Variants in BTBD9 observed in about 807,000 individuals in gnomAD.
BTBD9 encodes the protein BTB domain containing 9.
In BTBD9, 49 loss-of-function variants were observed where a neutral mutation model predicts 64.3. The observed-to-expected ratio is 0.76, with a 90% CI of 0.61 to 0.97. BTBD9 has a LOEUF of 0.97. Ranked by LOEUF, BTBD9 falls within the 50% of genes least tolerant of loss-of-function variation. The pLI is 0.00. For missense variants in BTBD9, 598 were observed against 762.1 expected, an observed-to-expected ratio of 0.78 and a Z score of 2.53; for synonymous variants, 260 against 274.7, an observed-to-expected ratio of 0.95 and a Z score of 0.53.
intron 6 of BTBD9, among the ~76,000 whole-genome samples, chr6:38,462,211 A>C (rs991045571): frequency 2.0e-5 from 3 of 152,140 alleles, no homozygotes; most frequent in African/African-American, 7.2e-5. Flanking sequence ...TTTTGATGCT[A>C]TATCTTAAAT....
At chr6:38,277,598 C>T (rs1181839369) in intron 8 of BTBD9, among the ~76,000 whole-genome samples, 9 of 151,898 alleles carry the variant, frequency 5.9e-5, no homozygotes, top group Admixed American at 5.2e-4. Flanking sequence ...CCTTCCAAAG[C>T]GCTGGGATTA....
intron 8 of BTBD9, among the ~76,000 whole-genome samples, chr6:38,272,583 T>G (rs1165421846): frequency 6.6e-6 from 1 of 152,120 alleles, no homozygotes; most frequent in East Asian, 1.9e-4. Context: ...TCTCCATGAA[T>G]TTTCTGCTTG....
intron 6 of BTBD9, among the ~76,000 whole-genome samples, chr6:38,386,355 G>T (rs1766168978): frequency 6.6e-6 from 1 of 151,886 alleles, no homozygotes; most frequent in Non-Finnish European, 1.5e-5. Context: ...AATTTAAACG[G>T]AATAAATATA....
chr6:38,362,087 T>C (rs748352167), intron 6 of BTBD9, among the ~76,000 whole-genome samples: 18 of 152,202 alleles, frequency 1.2e-4, no homozygotes, highest in Non-Finnish European at 2.4e-4. Flanking sequence ...TTCAGGTGTC[T>C]TGGCTTACTC....
At chr6:38,601,562 T>C (rs1291395182) in intron 1 of BTBD9, among the ~76,000 whole-genome samples, 8 of 152,144 alleles carry the variant, frequency 5.3e-5, no homozygotes, top group Non-Finnish European at 1.0e-4. Context: ...GGCATGAGCC[T>C]GTAATCCCAG....
intron 7 of BTBD9, among the ~76,000 whole-genome samples, chr6:38,323,579 T>A (rs1162599694): frequency 6.6e-6 from 1 of 152,198 alleles, no homozygotes; most frequent in African/African-American, 2.4e-5. Flanking sequence ...AACAAATAAA[T>A]GACAATAGAT....
chr6:38,348,206 G>A (rs1255201717), intron 6 of BTBD9, among the ~76,000 whole-genome samples: 4 of 152,184 alleles, frequency 2.6e-5, no homozygotes, highest in Admixed American at 2.0e-4. Context: ...AGGAATGGGA[G>A]AGTCCTCTCT....
intron 8 of BTBD9, among the ~76,000 whole-genome samples, chr6:38,269,008 G>C (rs1765113071): frequency 6.6e-6 from 1 of 152,160 alleles, no homozygotes; most frequent in African/African-American, 2.4e-5. Flanking sequence ...GAAATAGTTA[G>C]TGAAGGCTCT....
At chr6:38,547,599 A>C (rs1008291098) in intron 6 of BTBD9, among the ~76,000 whole-genome samples, 3 of 152,150 alleles carry the variant, frequency 2.0e-5, no homozygotes, top group African/African-American at 7.2e-5. Flanking sequence ...CTTTGAACCC[A>C]TCAAGTTCCT....
At chr6:38,225,909 CAT>C (rs1276233379) in intron 9 of BTBD9, among the ~76,000 whole-genome samples, 1 of 152,222 alleles carries the variant, frequency 6.6e-6, no homozygotes. Flanking sequence ...ATGACACACA[CAT>C]AGAGAAGACT....
chr6:38,510,476 T>C (rs1195414313), intron 6 of BTBD9, among the ~76,000 whole-genome samples: 2 of 152,222 alleles, frequency 1.3e-5, no homozygotes, highest in Non-Finnish European at 2.9e-5. Flanking sequence ...CAGCTGACTT[T>C]ATAAATACTG....
At chr6:38,254,059 G>A (rs2127533395) in intron 9 of BTBD9, among the ~76,000 whole-genome samples, 1 of 149,856 alleles carries the variant, frequency 6.7e-6, no homozygotes, top group African/African-American at 2.5e-5. Flanking sequence ...AGGCATGTAT[G>A]CTACCCCTAG....
At chr6:38,239,308 C>T (rs1440871121) in intron 9 of BTBD9, among the ~76,000 whole-genome samples, 3 of 151,772 alleles carry the variant, frequency 2.0e-5, no homozygotes, top group African/African-American at 4.8e-5. Context: ...GGCGTGGTGG[C>T]GCACGTCTGC....
intron 6 of BTBD9, among the ~76,000 whole-genome samples, chr6:38,558,983 G>A (rs899050258): frequency 6.6e-6 from 1 of 152,120 alleles, no homozygotes; most frequent in African/African-American, 2.4e-5. Flanking sequence ...CCCTTTTCTG[G>A]ATAGCTGGTA....
intron 6 of BTBD9, among the ~76,000 whole-genome samples, chr6:38,409,101 C>T (rs147728284): frequency 0.033 from 4,992 of 152,140 alleles, 164 homozygotes; most frequent in East Asian, 0.11. Context: ...AATACAAAAA[C>T]TAGCCAGGCA....
rs59324806 is a variant in BTBD9 at position 38,302,485 on chromosome 6, GTATATATATATATATATATA to G, written c.1265-14044_1265-14025del. ...CTGAATAATATTCCATTGTGTGTAT[GTATATATATATATATATATA>G]TATATATATATATATATATCACATT... On this transcript the variant is annotated intron_variant, in intron 7 of 10. Coordinates refer to ENST00000481247, the MANE Select transcript of BTBD9 (RefSeq NM_001099272.2). Among the ~76,000 whole-genome samples, 240 of 106,896 alleles carry G rather than the reference GTATATATATATATATATATA, an allele frequency of 2.2e-3. 6 individuals are homozygous for G. In the East Asian group the frequency reaches 0.044, roughly 20 times the overall value. 70.1% of individuals were successfully genotyped at this position (106,896 alleles called of 152,430 possible).
Position 38,175,154 on chromosome 6 carries a change from G to A in BTBD9, c.1670C>T (p.Pro557Leu), listed in dbSNP as rs368325105. Residue 557 changes from proline (P) to leucine (L), a missense_variant, in exon 11 of 11, where the codon CCA becomes CTA. Pro to Leu is a moderately conservative substitution (Grantham distance 98). Coordinates refer to ENST00000481247, the MANE Select transcript of BTBD9 (RefSeq NM_001099272.2). Reference sequence around the variant, plus strand: ...CTCCTTCTGGCTGCTCTGCTGCTCTGGACACTCAAAGTGGACACAGTGGAA... The same window carrying A: ...CTCCTTCTGGCTGCTCTGCTGCTCTAGACACTCAAAGTGGACACAGTGGAA... ...EVFHCVHFECPEQQSSQKEEN... is the reference protein window; with the variant it reads ...EVFHCVHFECLEQQSSQKEEN... 1.1e-5 allele frequency: 18 copies of A among 1,614,048 alleles called. No individual in the cohort carries two copies. The highest frequency in any genetic ancestry group is 2.7e-5 in the African/African-American group (2 of 74,910).
In BTBD9 at chr6:38,206,276, C is replaced by T. The variant is rs574145870; in HGVS notation, c.1563-13679G>A. Among the ~76,000 whole-genome samples the T allele has an allele frequency of 5.9e-5, 9 of 151,534 alleles. No individual in the cohort carries two copies. In the South Asian group the frequency reaches 1.9e-3, roughly 32 times the overall value. ...CTGTTGCCAGGCTAGAGTACAGTGG[C>T]ATGATTTTGGCTCACTGCAACCTCG... On this transcript the variant is annotated intron_variant, in intron 9 of 10. Transcript: ENST00000481247.
At chr6:38,580,732 T>C (rs1201723606) in intron 4 of BTBD9, among the ~76,000 whole-genome samples, 2 of 150,736 alleles carry the variant, frequency 1.3e-5, no homozygotes, top group Non-Finnish European at 3.0e-5. Flanking sequence ...CCTGTCCCTA[T>C]TAAAAACAAA....
Sources: allele counts gnomAD v4.1 joint callset (sites outside exome capture counted in the v4.1 genomes callset), GRCh38; gene constraint gnomAD v4.1.1; transcripts MANE v1.5; gene names NCBI Gene and HGNC (gene_info 2026-07-23, HGNC 2026-07-21).